Variants in MYSM1 observed in about 807,000 individuals in gnomAD.
MYSM1 encodes the protein Myb like, SWIRM and MPN domains 1, also known as deubiquitinase MYSM1.
A neutral mutation model predicts 116.0 loss-of-function variants in MYSM1; 51 were observed. That is an observed-to-expected ratio of 0.44 (90% CI 0.35 to 0.56). The LOEUF (loss-of-function observed/expected upper bound fraction) is 0.56. Ranked by LOEUF, MYSM1 falls within the 20% of genes least tolerant of loss-of-function variation. MYSM1 has a pLI of 0.00. For synonymous variants in MYSM1, 313 were observed against 315.2 expected (o/e 0.99, Z 0.07); for missense variants, 900 against 974.9 (o/e 0.92, Z 1.02).
intron 9 of MYSM1, 68 bp from the exon 10 acceptor site, chr1:58,675,648 A>C (rs1644639190): frequency 1.7e-6 from 2 of 1,172,110 alleles, no homozygotes; most frequent in Non-Finnish European, 2.5e-6. Context: ...ACAGTAAGAC[A>C]CATGTACACT....
chr1:58,672,150 G>GC (rs1320290200), intron 11 of MYSM1, among the ~76,000 whole-genome samples, 192 bp from the exon 12 acceptor site: 1 of 152,110 alleles, frequency 6.6e-6, no homozygotes, highest in Non-Finnish European at 1.5e-5. Context: ...AAAAGACACG[G>GC]CCATCCCAAA....
intron 8 of MYSM1, 28 bp downstream of exon 8, chr1:58,681,754 AAAC>A (rs772373854): frequency 1.2e-5 from 19 of 1,530,562 alleles, no homozygotes; most frequent in Non-Finnish European, 6.1e-6. Flanking sequence ...TCACGTTTTA[AAAC>A]AACATCTATA....
intron 13 of MYSM1, 36 bp from the exon 14 acceptor site, chr1:58,668,718 T>A (rs1393503565): frequency 6.4e-7 from 1 of 1,564,282 alleles, no homozygotes. Flanking sequence ...CGGGGGAGCA[T>A]AAAAATAGAG....
Position 58,675,503 on chromosome 1 carries a change from G to A in MYSM1, c.1468C>T (p.Gln490Ter). Reference protein sequence around the residue: ...RDRKDAVEAYQLAQRLQSMRT... With the variant: ...RDRKDAVEAY The stretch of plus-strand genomic sequence containing the variant: ...ATAGACTGCAGACGCTGGGCAAGTT[G>A]GTATGCTTCTACTGCATCTTTTCTG... Residue 490 changes from glutamine to a stop codon, truncating the protein, a stop_gained, in exon 10 of 20, where the codon CAA (glutamine) becomes TAA (stop). Coordinates refer to ENST00000472487, the MANE Select transcript of MYSM1 (RefSeq NM_001085487.3). LOFTEE classifies it high-confidence loss of function. The A allele has an allele frequency of 6.2e-7, 1 of 1,612,460 alleles. No homozygotes were observed. The highest frequency in any genetic ancestry group is 8.5e-7 in the Non-Finnish European group (1 of 1,179,144).
chr1:58,686,965 T>TAA lies in MYSM1; in HGVS notation c.400-1716_400-1715dup, dbSNP rs57730856. ...GGCAGCATAACGAGACCTTGTTTCT[T>TAA]AAAAAAAAAAAAAGAAGATAAAAAA... is the stretch of plus-strand genomic sequence containing the variant. On this transcript the variant is annotated intron_variant, in intron 6 of 19. Coordinates refer to ENST00000472487, the MANE Select transcript of MYSM1 (RefSeq NM_001085487.3). 7.4e-4 allele frequency among the ~76,000 whole-genome samples: 105 copies of TAA among 142,814 alleles called. 1 individual carries two copies. Among genetic ancestry groups the TAA allele is most frequent in the Middle Eastern group, 3.6e-3 (1 of 280 alleles). The allele number at this position is 142,814 out of a possible 152,430, so 93.7% of individuals were successfully genotyped here.
intron 12 of MYSM1, 70 bp from the exon 13 acceptor site, chr1:58,669,108 G>T (rs944478961): frequency 1.3e-5 from 15 of 1,166,658 alleles, no homozygotes; most frequent in Middle Eastern, 2.6e-4. Flanking sequence ...TTGTAAATCT[G>T]AAAGTGTATA....
At chr1:58,683,793 A>G (rs1222965532) in intron 7 of MYSM1, among the ~76,000 whole-genome samples, 1 of 152,112 alleles carries the variant, frequency 6.6e-6, no homozygotes, top group Admixed American at 6.6e-5. Flanking sequence ...AGATTTGGAC[A>G]TATTGCCTGA....
intron 11 of MYSM1, among the ~76,000 whole-genome samples, chr1:58,672,535 A>G (rs1166744875): frequency 6.6e-6 from 1 of 152,180 alleles, no homozygotes; most frequent in African/African-American, 2.4e-5. Flanking sequence ...ACATTGTCTG[A>G]CACACAGTAA....
intron 8 of MYSM1, among the ~76,000 whole-genome samples, chr1:58,678,580 GA>G (rs1233177328): frequency 3.3e-5 from 5 of 152,074 alleles, no homozygotes; most frequent in African/African-American, 9.7e-5. Flanking sequence ...AAACAAAACA[GA>G]TAAAAATCTG....
intron 18 of MYSM1, 71 bp downstream of exon 18, chr1:58,661,335 G>A: frequency 7.4e-7 from 1 of 1,346,470 alleles, no homozygotes; most frequent in South Asian, 1.2e-5. Flanking sequence ...TATTTAACTT[G>A]GGTTTTCTCT....
chr1:58,685,997 G>T (rs1250471140), intron 6 of MYSM1, among the ~76,000 whole-genome samples: 1 of 152,120 alleles, frequency 6.6e-6, no homozygotes, highest in Non-Finnish European at 1.5e-5. Context: ...TGTGATCACG[G>T]CTCATGCAGC....
At chr1:58,680,212 T>G (rs974997054) in intron 8 of MYSM1, among the ~76,000 whole-genome samples, 1 of 152,138 alleles carries the variant, frequency 6.6e-6, no homozygotes, top group Admixed American at 6.5e-5. Flanking sequence ...AATTAGGCCA[T>G]GTAGAATAAA....
At chr1:58,695,045 C>T (rs539584999) in intron 2 of MYSM1, 84 bp downstream of exon 2, 8,237 of 685,404 alleles carry the variant, frequency 0.012, 84 homozygotes, top group Middle Eastern at 0.027. Flanking sequence ...AGAACTAGCA[C>T]TAAGTTTAAA....
At chr1:58,682,584 A>T (rs753117225) in intron 7 of MYSM1, 39 bp from the exon 8 acceptor site, 2 of 1,485,976 alleles carry the variant, frequency 1.3e-6, no homozygotes, top group Admixed American at 4.7e-5. Context: ...TAATATTAAG[A>T]TTTAAAAATT....
intron 17 of MYSM1, among the ~76,000 whole-genome samples, chr1:58,663,160 T>G (rs888177834): frequency 2.6e-5 from 4 of 152,198 alleles, no homozygotes; most frequent in Non-Finnish European, 5.9e-5. Context: ...GAGTGACTCC[T>G]ACTCTCAATG....
Position 58,661,214 on chromosome 1 carries a change from C to T in MYSM1, c.2284G>A (p.Asp762Asn), listed in dbSNP as rs1644385830. ...YRLSHSSVPM[D>N]KIFRRDSDLT... ...TCAGAATCCCGGCGAAAGATTTTAT[C>T]CATGGGGACGCTGCTGTAGGAAGAA... The change falls in exon 19 of 20, where the codon GAT becomes AAT. Residue 762 changes from aspartate to asparagine, a missense_variant. Asp to Asn is a conservative substitution (Grantham distance 23). Coordinates refer to ENST00000472487, the MANE Select transcript of MYSM1 (RefSeq NM_001085487.3). The T allele has an allele frequency of 6.2e-7, 1 of 1,612,898 alleles. No homozygotes were observed. The highest frequency in any genetic ancestry group is 8.5e-7 in the Non-Finnish European group (1 of 1,179,244).
chr1:58,677,393 T>C (rs990629018), intron 8 of MYSM1, among the ~76,000 whole-genome samples: 1 of 152,170 alleles, frequency 6.6e-6, no homozygotes, highest in Non-Finnish European at 1.5e-5. Flanking sequence ...AGTTTGATAA[T>C]ATATAGAAAA....
chr1:58,689,261 G>A (rs1016367817), intron 5 of MYSM1, 145 bp from the exon 6 acceptor site: 2 of 611,074 alleles, frequency 3.3e-6, no homozygotes, highest in East Asian at 3.1e-5. Flanking sequence ...AAAACAAGAA[G>A]GCTACAGCCT....
At chr1:58,675,726 CAAATTA>C (rs1252696653) in intron 9 of MYSM1, 146 bp from the exon 10 acceptor site, 1 of 536,946 alleles carries the variant, frequency 1.9e-6, no homozygotes, top group African/African-American at 1.9e-5. Context: ...GAGCACCCCT[CAAATTA>C]AAAGTAATGC....
Sources: gnomAD v4.1 joint callset for allele counts (sites outside exome capture counted in the v4.1 genomes callset) on GRCh38, gnomAD v4.1.1 for gene constraint, MANE v1.5 for transcripts, NCBI Gene and HGNC (gene_info 2026-07-23, HGNC 2026-07-21) for gene names.